The following SPATS2L variants were observed in gnomAD, a reference collection of about 807,000 sequenced individuals.
SPATS2L encodes spermatogenesis associated serine rich 2 like.
A neutral mutation model predicts 59.6 loss-of-function variants in SPATS2L; 30 were observed. The ratio of observed to expected loss-of-function variants is 0.50; its 90% CI spans 0.38 to 0.68. The LOEUF is 0.68. SPATS2L is among the 30% of genes least tolerant of loss of function. The probability of loss-of-function intolerance (pLI) is 0.00; values close to 1 mark genes in which losing one functional copy is unlikely to be tolerated. For missense variants in SPATS2L, 615 were observed against 700.0 expected, an observed-to-expected ratio of 0.88 and a Z score of 1.37; for synonymous variants, 252 against 263.5, an observed-to-expected ratio of 0.96 and a Z score of 0.42.
At chr2:200,399,302 T>G (rs547168516) in intron 3 of SPATS2L, among the ~76,000 whole-genome samples, 1 of 152,202 alleles carries the variant, frequency 6.6e-6, no homozygotes, top group Non-Finnish European at 1.5e-5. Flanking sequence ...ATGCTTCATA[T>G]GAGGGGAGTC....
intron 3 of SPATS2L, among the ~76,000 whole-genome samples, chr2:200,396,709 G>A (rs2082366548): frequency 6.6e-6 from 1 of 152,154 alleles, no homozygotes; most frequent in African/African-American, 2.4e-5. Context: ...TTTGACACAA[G>A]TTTTAATGCT....
At chr2:200,433,516 C>A (rs1032250397) in intron 6 of SPATS2L, among the ~76,000 whole-genome samples, 11 of 152,014 alleles carry the variant, frequency 7.2e-5, no homozygotes, top group African/African-American at 2.7e-4. Flanking sequence ...AATCTCTGAA[C>A]ATTTAAAAAT....
chr2:200,455,089 G>A (rs1027277170), intron 8 of SPATS2L, among the ~76,000 whole-genome samples: 1 of 152,202 alleles, frequency 6.6e-6, no homozygotes, highest in Admixed American at 6.5e-5. Flanking sequence ...AATTCTGTCA[G>A]TGACCAAAAG....
rs558769515 is a variant in SPATS2L, at chr2:200,309,369, T to C, written c.-73+2447T>C. On this transcript the variant is annotated intron_variant, in intron 1 of 12. Transcript: ENST00000409140. ...TTGCTCTTCGTAAGATCTAAGCTGC[T>C]ACTACCTGTCCCACTGTATGACAAG... is the stretch of plus-strand genomic sequence containing the variant. 2.6e-5 allele frequency among the ~76,000 whole-genome samples: 4 copies of C among 152,372 alleles called. No individual in the cohort carries two copies. The East Asian group carries it at 5.8e-4, about 22-fold the overall frequency.
rs2106267384 is a variant in SPATS2L, at chr2:200,481,082, G to C, written c.*3051G>C. ...ATTTACATTTCTTTTGAGAATCTCT[G>C]CATACTCCAGCTCTGTCCTGTTGAT... On this transcript the variant is annotated 3_prime_UTR_variant, in exon 13 of 13. Transcript: ENST00000409140. The C allele has an allele frequency of 6.6e-6, 1 of 152,182 alleles. No homozygotes were observed. Among genetic ancestry groups the C allele is most frequent in the African/African-American group, 2.4e-5 (1 of 41,524 alleles). The allele number at this position is 152,182 out of a possible 1,614,324, so 9.4% of individuals were successfully genotyped here.
intron 1 of SPATS2L, among the ~76,000 whole-genome samples, chr2:200,310,370 T>G (rs1376330493): frequency 6.6e-6 from 1 of 152,254 alleles, no homozygotes; most frequent in African/African-American, 2.4e-5. Context: ...TAACTCTTCC[T>G]TTTTAATGGT....
intron 2 of SPATS2L, among the ~76,000 whole-genome samples, chr2:200,368,426 A>G (rs1437919736): frequency 6.6e-6 from 1 of 152,188 alleles, no homozygotes; most frequent in Non-Finnish European, 1.5e-5. Flanking sequence ...TCATGTTTAA[A>G]TGAAAATGGG....
chr2:200,349,947 A>G (rs1017153501), intron 2 of SPATS2L, among the ~76,000 whole-genome samples: 4 of 152,178 alleles, frequency 2.6e-5, no homozygotes, highest in Non-Finnish European at 4.4e-5. Context: ...AAGAGTAGCC[A>G]CTGCCCCAGG....
chr2:200,420,409 C>T lies in SPATS2L; in HGVS notation c.445+913C>T, dbSNP rs2083260669. Among the ~76,000 whole-genome samples the T allele has an allele frequency of 2.0e-5, 3 of 150,268 alleles. No individual in the cohort carries two copies. In the East Asian group the frequency reaches 5.8e-4, roughly 29 times the overall value. ...CAATAAAGAGGCCAGATTTTTACAC[C>T]CACTTATAATGAATCACTTTGCAAT... On this transcript the variant is annotated intron_variant, in intron 6 of 12. Transcript: ENST00000409140.
At chr2:200,382,794 A>C (rs907574492) in intron 2 of SPATS2L, among the ~76,000 whole-genome samples, 1 of 152,222 alleles carries the variant, frequency 6.6e-6, no homozygotes. Flanking sequence ...AATGTATGTC[A>C]AGCACTTAGC....
intron 3 of SPATS2L, among the ~76,000 whole-genome samples, chr2:200,401,280 C>T (rs1299561920): frequency 6.6e-6 from 1 of 152,160 alleles, no homozygotes; most frequent in African/African-American, 2.4e-5. Flanking sequence ...GACCCTGAGG[C>T]AGACTGCTCC....
chr2:200,427,084 G>A (rs2083624267), intron 6 of SPATS2L, among the ~76,000 whole-genome samples: 1 of 152,132 alleles, frequency 6.6e-6, no homozygotes, highest in African/African-American at 2.4e-5. Context: ...CTGAATAGCT[G>A]ATACCTTTAT....
At chr2:200,377,672 A>T (rs2081645741) in intron 2 of SPATS2L, among the ~76,000 whole-genome samples, 1 of 152,224 alleles carries the variant, frequency 6.6e-6, no homozygotes, top group South Asian at 2.1e-4. Flanking sequence ...GTTAAACTGA[A>T]TAAAGATCAG....
intron 3 of SPATS2L, among the ~76,000 whole-genome samples, chr2:200,404,518 G>T (rs898855460): frequency 1.2e-4 from 19 of 152,210 alleles, no homozygotes; most frequent in African/African-American, 4.1e-4. Context: ...TGTGGAGAGG[G>T]TTGCCATCTG....
chr2:200,445,119 T>C (rs2084947190), intron 8 of SPATS2L, among the ~76,000 whole-genome samples: 1 of 151,746 alleles, frequency 6.6e-6, no homozygotes. Context: ...GAAACCAATC[T>C]GGGCAACACA....
intron 2 of SPATS2L, among the ~76,000 whole-genome samples, chr2:200,360,556 C>T (rs375963188): frequency 8.5e-5 from 13 of 152,148 alleles, no homozygotes; most frequent in African/African-American, 2.9e-4. Context: ...AGGATCCTAT[C>T]GGAGTGGGGA....
chr2:200,380,062 G>T (rs2081749974), intron 2 of SPATS2L, among the ~76,000 whole-genome samples: 1 of 152,104 alleles, frequency 6.6e-6, no homozygotes, highest in African/African-American at 2.4e-5. Context: ...AGCCAGCAGA[G>T]ACCTATGAAA....
At chr2:200,354,911 C>A (rs1306655508) in intron 2 of SPATS2L, among the ~76,000 whole-genome samples, 2 of 152,060 alleles carry the variant, frequency 1.3e-5, no homozygotes, top group African/African-American at 4.8e-5. Flanking sequence ...AAAGGCAGTA[C>A]CTTTGACATC....
chr2:200,380,447 T>C (rs2081767001), intron 2 of SPATS2L, among the ~76,000 whole-genome samples: 1 of 152,122 alleles, frequency 6.6e-6, no homozygotes, highest in African/African-American at 2.4e-5. Flanking sequence ...AGTGAAGAGG[T>C]TCTCCCATGA....
Sources: allele counts gnomAD v4.1 joint callset (sites outside exome capture counted in the v4.1 genomes callset), GRCh38; gene constraint gnomAD v4.1.1; transcripts MANE v1.5; gene names NCBI Gene and HGNC (gene_info 2026-07-23, HGNC 2026-07-21).